PBRM1: variants seen among roughly 807,000 people sequenced by gnomAD.
The protein encoded by PBRM1 is protein polybromo-1.
A neutral mutation model predicts 194.5 loss-of-function variants in PBRM1; 27 were observed. That is an observed-to-expected ratio of 0.14 (90% confidence interval 0.10 to 0.19). The LOEUF is 0.19. PBRM1 is among the 10% of genes least tolerant of loss of function. PBRM1 has a pLI of 1.00. For missense variants in PBRM1, 1,466 were observed against 2,077.2 expected, an observed-to-expected ratio of 0.71 and a Z score of 5.72; for synonymous variants, 655 against 693.2, an observed-to-expected ratio of 0.94 and a Z score of 0.87.
chr3:52,676,273 G>A (rs1487775104), intron 2 of PBRM1, among the ~76,000 whole-genome samples: 1 of 152,056 alleles, frequency 6.6e-6, no homozygotes, highest in Non-Finnish European at 1.5e-5. Context: ...CAGTTTGGCT[G>A]TATCCCCATT....
intron 22 of PBRM1, among the ~76,000 whole-genome samples, chr3:52,565,816 C>T (rs547146783): frequency 2.9e-3 from 442 of 152,056 alleles, no homozygotes; most frequent in Admixed American, 5.5e-3. Context: ...TTTGGGAGGC[C>T]GAGGCGGGTG....
intron 22 of PBRM1, among the ~76,000 whole-genome samples, chr3:52,575,231 CAAA>C (rs1476599217): frequency 3.5e-5 from 5 of 143,606 alleles, no homozygotes; most frequent in African/African-American, 1.5e-4. Flanking sequence ...ACAAACCAAA[CAAA>C]CAAACAAACA....
In PBRM1 at chr3:52,640,086, G is replaced by A. The variant is rs970194106; in HGVS notation, c.1087+1868C>T. Among the ~76,000 whole-genome samples, 3 of 152,100 alleles carry A rather than the reference G, an allele frequency of 2.0e-5. No individual in the cohort carries two copies. In the South Asian group the frequency reaches 6.2e-4, roughly 32 times the overall value. On this transcript the variant is annotated intron_variant, in intron 10 of 29. Coordinates refer to ENST00000296302, the Ensembl canonical transcript of PBRM1. ...TTTGAGCTCTTCTACAATTTAACTTGCTGATGAAATTAACCTTCTACCATC... is the reference window on the plus strand; with the variant it reads ...TTTGAGCTCTTCTACAATTTAACTTACTGATGAAATTAACCTTCTACCATC...
chr3:52,672,437 A>G (rs1043849137), intron 2 of PBRM1, among the ~76,000 whole-genome samples: 1 of 147,966 alleles, frequency 6.8e-6, no homozygotes, highest in Non-Finnish European at 1.5e-5. Flanking sequence ...TGACTAACAC[A>G]CTCATATACG....
At chr3:52,599,438 T>C (rs944734857) in intron 17 of PBRM1, among the ~76,000 whole-genome samples, 2 of 152,140 alleles carry the variant, frequency 1.3e-5, no homozygotes, top group Admixed American at 1.3e-4. Flanking sequence ...ACTATAAACA[T>C]ATAGATGGTC....
intron 24 of PBRM1, among the ~76,000 whole-genome samples, chr3:52,562,306 G>A (rs1298567512): frequency 1.4e-5 from 2 of 141,116 alleles, no homozygotes; most frequent in African/African-American, 5.4e-5. Context: ...CAGCCTGGGC[G>A]ACAGAGCAAG....
intron 5 of PBRM1, among the ~76,000 whole-genome samples, chr3:52,654,178 T>G (rs2096564454): frequency 6.6e-6 from 1 of 152,212 alleles, no homozygotes; most frequent in Admixed American, 6.5e-5. Context: ...GTTCAAACCC[T>G]ACTGAAGCCC....
chr3:52,567,133 T>A (rs2085502645), intron 22 of PBRM1, among the ~76,000 whole-genome samples: 1 of 148,926 alleles, frequency 6.7e-6, no homozygotes, highest in Admixed American at 6.7e-5. Flanking sequence ...AATAAAAAAC[T>A]CCCATAAATG....
intron 3 of PBRM1, among the ~76,000 whole-genome samples, chr3:52,667,405 A>C (rs2096861782): frequency 6.6e-6 from 1 of 152,122 alleles, no homozygotes; most frequent in Non-Finnish European, 1.5e-5. Context: ...AATAAAAAAA[A>C]TAAAAAAACT....
intron 18 of PBRM1, 36 bp downstream of exon 20, chr3:52,589,034 C>A (rs1452343083): frequency 1.3e-6 from 2 of 1,492,104 alleles, no homozygotes; most frequent in Non-Finnish European, 1.9e-6. Context: ...ACAGTCATAT[C>A]TCACTAAACT....
chr3:52,560,228 C>T (rs2083191635), intron 25 of PBRM1, among the ~76,000 whole-genome samples: 2 of 152,190 alleles, frequency 1.3e-5, no homozygotes, highest in African/African-American at 4.8e-5. Context: ...CTCCTGCTCA[C>T]ACTCTAAATA....
chr3:52,595,467 T>A (rs1018478165), intron 17 of PBRM1, among the ~76,000 whole-genome samples: 4 of 152,246 alleles, frequency 2.6e-5, no homozygotes, highest in African/African-American at 9.6e-5. Flanking sequence ...TGTCTGCCAT[T>A]TGTATGTCTC....
intron 18 of PBRM1, 94 bp downstream of exon 20, chr3:52,588,976 A>G: frequency 1.2e-6 from 1 of 812,550 alleles, no homozygotes; most frequent in Admixed American, 2.1e-5. Flanking sequence ...GAAAGGCTTA[A>G]GATGTCTGAG....
intron 19 of PBRM1, 86 bp downstream of exon 21, chr3:52,587,267 A>C (rs1035706227): frequency 4.9e-6 from 5 of 1,029,812 alleles, no homozygotes; most frequent in Non-Finnish European, 5.9e-6. Context: ...AGAGTTCCTA[A>C]TTTTGTAAAC....
At chr3:52,679,454 T>G in intron 1 of PBRM1, 120 bp downstream of exon 2, 1 of 833,476 alleles carries the variant, frequency 1.2e-6, no homozygotes, top group South Asian at 1.8e-5. Flanking sequence ...GAAAAGACTA[T>G]TAATCAAGAG....
Position 52,667,252 on chromosome 3 carries a change from G to C in PBRM1, c.384+1246C>G, listed in dbSNP as rs571236786. ...AATATCTTGGGCAAGAGGAATCTCT[G>C]AAACAAGATACAAATAAACCCAATT... On this transcript the variant is annotated intron_variant, in intron 3 of 29. Coordinates refer to ENST00000296302, the Ensembl canonical transcript of PBRM1. Among the ~76,000 whole-genome samples the C allele has an allele frequency of 9.2e-4, 140 of 152,156 alleles. 1 individual carries two copies. The highest frequency in any genetic ancestry group is 5.8e-3 in the South Asian group (28 of 4,816).
exon 5 of PBRM1, chr3:52,658,248 G>C: frequency 6.2e-7 from 1 of 1,612,924 alleles, no homozygotes; most frequent in Non-Finnish European, 8.5e-7. Flanking sequence ...ACGTCCTGAT[G>C]GATTTGTAGC....
chr3:52,604,634 A>G (rs1223670809), intron 16 of PBRM1, among the ~76,000 whole-genome samples: 1 of 152,186 alleles, frequency 6.6e-6, no homozygotes, highest in African/African-American at 2.4e-5. Context: ...TCAAGGGTGC[A>G]GTAAGTTATG....
intron 14 of PBRM1, among the ~76,000 whole-genome samples, chr3:52,617,041 G>C (rs1265618890): frequency 6.6e-6 from 1 of 152,136 alleles, no homozygotes; most frequent in African/African-American, 2.4e-5. Flanking sequence ...GGGACTGGCA[G>C]AGCAAAATTC....
Sources: allele counts gnomAD v4.1 joint callset (sites outside exome capture counted in the v4.1 genomes callset), GRCh38; gene constraint gnomAD v4.1.1; transcripts MANE v1.5; gene names NCBI Gene and HGNC (gene_info 2026-07-23, HGNC 2026-07-21).